GABRA3: variants seen among roughly 807,000 people sequenced by gnomAD.
The protein encoded by GABRA3 is gamma-aminobutyric acid type A receptor subunit alpha3.
GABRA3 carries 10 observed loss-of-function variants against 30.1 expected under a neutral mutation model. That is an observed-to-expected ratio of 0.33 (90% CI 0.20 to 0.56). The LOEUF is 0.56. Among genes scored for constraint, GABRA3 ranks in the 20% least tolerant of loss-of-function variants. GABRA3 has a pLI of 0.89. For missense variants in GABRA3, 233 were observed against 392.0 expected (o/e 0.59, Z 3.42); for synonymous variants, 151 against 146.8 (o/e 1.03, Z -0.21).
At chrX:152,400,304 G>C (rs747815289) in intron 1 of GABRA3, among the ~76,000 whole-genome samples, 5 of 109,027 alleles carry the variant, frequency 4.6e-5, no homozygotes, top group Admixed American at 2.0e-4. Flanking sequence ...GCAACATAGA[G>C]TCTCTGCAAA....
chrX:152,290,963 G>C (rs1013355356), intron 3 of GABRA3, among the ~76,000 whole-genome samples: 2 of 111,760 alleles, frequency 1.8e-5, no homozygotes, highest in Admixed American at 1.9e-4. Context: ...CTCCAGCTTT[G>C]TTCTTTTGGC....
intron 6 of GABRA3, among the ~76,000 whole-genome samples, chrX:152,213,491 G>A (rs1937660525): frequency 9.0e-6 from 1 of 111,724 alleles, no homozygotes; most frequent in Admixed American, 9.5e-5. Flanking sequence ...TCTGAGGGTG[G>A]TTTCTAATCT....
At chrX:152,229,203 A>G (rs1938020812) in intron 5 of GABRA3, among the ~76,000 whole-genome samples, 1 of 111,314 alleles carries the variant, frequency 9.0e-6, no homozygotes, top group African/African-American at 3.3e-5. Flanking sequence ...TTTTCAAAAA[A>G]GGTCAGAATC....
intron 6 of GABRA3, among the ~76,000 whole-genome samples, chrX:152,224,107 A>T (rs755616840): frequency 2.7e-5 from 3 of 110,947 alleles, no homozygotes; most frequent in East Asian, 2.8e-4. Context: ...TTTTGACATG[A>T]TCAACACAGA....
intron 2 of GABRA3, among the ~76,000 whole-genome samples, chrX:152,350,246 C>T (rs2124484729): frequency 1.0e-5 from 1 of 99,465 alleles, no homozygotes; most frequent in South Asian, 5.2e-4. Flanking sequence ...TAAAGATGTT[C>T]TTTGAAACCA....
In GABRA3 at chrX:152,337,616, C is replaced by T. The variant is rs1484934119; in HGVS notation, c.262+7965G>A. 4.5e-5 allele frequency among the ~76,000 whole-genome samples: 5 copies of T among 111,195 alleles called. No homozygotes were observed. The East Asian group carries it at 1.4e-3, about 32-fold the overall frequency. On this transcript the variant is annotated intron_variant, in intron 3 of 9. Coordinates refer to ENST00000370314, the MANE Select transcript of GABRA3 (RefSeq NM_000808.4). ...GGCTAAGGTGGGAGGATTGTTTGAG[C>T]CCAGGAGTTCAAGACCAGCCTGGGC... is the stretch of plus-strand genomic sequence containing the variant.
intron 9 of GABRA3, among the ~76,000 whole-genome samples, chrX:152,182,694 T>C (rs1937190592): frequency 2.2e-4 from 10 of 44,479 alleles, no homozygotes; most frequent in Non-Finnish European, 3.3e-4. Context: ...ACTATATATG[T>C]ATATATAGTG....
chrX:152,397,384 TA>T (rs1318144077), intron 1 of GABRA3, among the ~76,000 whole-genome samples: 1 of 112,347 alleles, frequency 8.9e-6, no homozygotes, highest in Non-Finnish European at 1.9e-5. Flanking sequence ...TTCAACCTGA[TA>T]ACCAAACAAA....
intron 3 of GABRA3, among the ~76,000 whole-genome samples, chrX:152,294,602 TTA>T (rs1279474519): frequency 2.7e-5 from 3 of 111,268 alleles, no homozygotes; most frequent in Non-Finnish European, 5.7e-5. Flanking sequence ...AAGTTTGTTA[TTA>T]CCACCCTTCT....
intron 3 of GABRA3, among the ~76,000 whole-genome samples, chrX:152,305,178 A>T (rs1382631479): frequency 9.0e-6 from 1 of 111,437 alleles, no homozygotes; most frequent in African/African-American, 3.3e-5. Flanking sequence ...AGAAAATCAC[A>T]TACCATATGT....
At chrX:152,261,226 G>A (rs1458059857) in intron 4 of GABRA3, among the ~76,000 whole-genome samples, 1 of 111,243 alleles carries the variant, frequency 9.0e-6, no homozygotes, top group Non-Finnish European at 1.9e-5. Context: ...AATTCAAGAT[G>A]AGATTTGGAT....
At chrX:152,208,801 T>C (rs1390290872) in intron 6 of GABRA3, among the ~76,000 whole-genome samples, 1 of 111,796 alleles carries the variant, frequency 8.9e-6, no homozygotes, top group African/African-American at 3.3e-5. Context: ...GAGTAAAAGC[T>C]TCCTGAGGTC....
At chrX:152,263,407 C>G (rs767029117) in intron 4 of GABRA3, among the ~76,000 whole-genome samples, 1 of 109,801 alleles carries the variant, frequency 9.1e-6, no homozygotes. Flanking sequence ...CAGAAATTCT[C>G]GAACTGAAAA....
intron 4 of GABRA3, among the ~76,000 whole-genome samples, chrX:152,267,018 G>C (rs765790733): frequency 8.9e-6 from 1 of 112,203 alleles, no homozygotes; most frequent in South Asian, 3.7e-4. Context: ...GTGAGCATAA[G>C]TATTGACACA....
chrX:152,223,842 T>C (rs1336097684), intron 6 of GABRA3, among the ~76,000 whole-genome samples: 1 of 110,812 alleles, frequency 9.0e-6, no homozygotes, highest in East Asian at 2.9e-4. Context: ...GCTTCTCATA[T>C]TACAACATGC....
At chrX:152,314,243 C>T (rs1377610297) in intron 3 of GABRA3, among the ~76,000 whole-genome samples, 1 of 111,505 alleles carries the variant, frequency 9.0e-6, no homozygotes, top group African/African-American at 3.3e-5. Context: ...TTTATGTTTT[C>T]AGAGTTCTGC....
At chrX:152,279,426 T>C (rs1939155895) in intron 4 of GABRA3, among the ~76,000 whole-genome samples, 2 of 111,446 alleles carry the variant, frequency 1.8e-5, no homozygotes, top group African/African-American at 6.5e-5. Flanking sequence ...GTTGTAGATA[T>C]GTGGCATTAT....
chrX:152,399,688 G>C (rs1250819386), intron 1 of GABRA3, among the ~76,000 whole-genome samples: 1 of 111,946 alleles, frequency 8.9e-6, no homozygotes, highest in African/African-American at 3.2e-5. Flanking sequence ...TTGCATATTA[G>C]AGAGAGCTTT....
chrX:152,227,383 G>T (rs55880311), intron 5 of GABRA3, among the ~76,000 whole-genome samples: 1 of 66,868 alleles, frequency 1.5e-5, no homozygotes, highest in South Asian at 1.6e-3. Flanking sequence ...GGACTGTTGT[G>T]GGGTGGGGGG....
Sources: allele counts gnomAD v4.1 joint callset (sites outside exome capture counted in the v4.1 genomes callset), GRCh38; gene constraint gnomAD v4.1.1; transcripts MANE v1.5; gene names NCBI Gene and HGNC (gene_info 2026-07-23, HGNC 2026-07-21).